The following PDPR variants were observed in gnomAD, a reference collection of about 807,000 sequenced individuals.
The protein encoded by PDPR is pyruvate dehydrogenase phosphatase regulatory subunit, mitochondrial.
A neutral mutation model predicts 102.2 loss-of-function variants in PDPR; 50 were observed. The ratio of observed to expected loss-of-function variants is 0.49; its 90% CI spans 0.39 to 0.62. The LOEUF is 0.62. Ranked by LOEUF, PDPR falls within the 20% of genes least tolerant of loss-of-function variation. The probability of loss-of-function intolerance (pLI) is 0.00; values close to 1 mark genes in which losing one functional copy is unlikely to be tolerated. For synonymous variants in PDPR, 259 were observed against 406.0 expected, an observed-to-expected ratio of 0.64 and a Z score of 4.35; for missense variants, 625 against 1,098.2, an observed-to-expected ratio of 0.57 and a Z score of 6.09.
intron 16 of PDPR, chr16:70,147,448 T>C (rs1210636021): frequency 2.2e-5 from 8 of 371,596 alleles, no homozygotes; most frequent in South Asian, 1.4e-4. Flanking sequence ...CTCTTTTCTG[T>C]ACACAGAGTA....
At chr16:70,120,951 T>C in intron 3 of PDPR, among the ~76,000 whole-genome samples, 1 of 148,088 alleles carries the variant, frequency 6.8e-6, no homozygotes, top group Non-Finnish European at 1.5e-5. Context: ...TTTTTTTTTT[T>C]TTTTTTGGTG....
intron 9 of PDPR, among the ~76,000 whole-genome samples, chr16:70,135,866 G>A (rs1323380145): frequency 5.9e-5 from 9 of 152,208 alleles, no homozygotes; most frequent in African/African-American, 1.2e-4. Flanking sequence ...TCAAGAGTTC[G>A]AAACTAGTGT....
At chr16:70,155,560 T>C (rs549691285) in intron 18 of PDPR, among the ~76,000 whole-genome samples, 27 of 152,370 alleles carry the variant, frequency 1.8e-4, no homozygotes, top group Non-Finnish European at 3.7e-4. Context: ...TTTGTATTTT[T>C]TCTTTTTTTA....
Position 70,156,610 on chromosome 16 carries a change from C to G in PDPR, c.2371C>G (p.Arg791Gly). The G allele has an allele frequency of 6.2e-7, 1 of 1,614,074 alleles. No homozygotes were observed. Among genetic ancestry groups the G allele is most frequent in the South Asian group, 1.1e-5 (1 of 91,084 alleles). ...LWPWWGEPIY[R>G]NGQYVGKTTS... ...GCCTTGGTGGGGAGAGCCCATTTAC[C>G]GGAATGGGCAGTATGTTGGCAAGAC... The change falls in exon 19 of 19, where the codon CGG becomes GGG. Residue 791 changes from arginine (R) to glycine (G), a missense_variant. By Grantham distance (125) the Arg-to-Gly change is moderately radical. This residue lies in a region of PDPR where 303 missense variants were observed against 258.9 expected (regional missense o/e 1.17). Coordinates refer to ENST00000288050, the MANE Select transcript of PDPR (RefSeq NM_017990.5).
At chr16:70,135,992 C>G (rs1965093259) in intron 9 of PDPR, among the ~76,000 whole-genome samples, 1 of 151,632 alleles carries the variant, frequency 6.6e-6, no homozygotes, top group African/African-American at 2.4e-5. Flanking sequence ...TAGCTTGAAC[C>G]TGGGAGGCAG....
At chr16:70,122,223 G>C (rs1963389161) in intron 3 of PDPR, among the ~76,000 whole-genome samples, 2 of 152,254 alleles carry the variant, frequency 1.3e-5, no homozygotes, top group Admixed American at 1.3e-4. Context: ...CTGACCTCCA[G>C]TGATCTACCC....
rs984745240 is a variant in PDPR, at chr16:70,158,381, C to T, written c.*1502C>T. ...CTTGGAAGCATTAGCTCTGATAGGT[C>T]TATAAGTGTATTAAGGGACATCCTT... On this transcript the variant is annotated 3_prime_UTR_variant, in exon 19 of 19. Transcript: ENST00000288050. 1 of 152,614 alleles carries T rather than the reference C, an allele frequency of 6.6e-6. No individual in the cohort carries two copies. The highest frequency in any genetic ancestry group is 2.4e-5 in the African/African-American group (1 of 41,488). 9.5% of individuals were successfully genotyped at this position (152,614 alleles called of 1,614,324 possible).
At chr16:70,151,698 C>A (rs1397302645) in intron 17 of PDPR, among the ~76,000 whole-genome samples, 1 of 152,394 alleles carries the variant, frequency 6.6e-6, no homozygotes, top group Middle Eastern at 3.4e-3. Flanking sequence ...TTTCTGATTT[C>A]CCTGGGCTGT....
intron 18 of PDPR, among the ~76,000 whole-genome samples, chr16:70,155,254 T>C (rs1289903272): frequency 6.6e-6 from 1 of 152,168 alleles, no homozygotes; most frequent in East Asian, 1.9e-4. Flanking sequence ...AAATCACCCA[T>C]ATTTTGTCTA....
chr16:70,119,156 T>G (rs1181823157), intron 2 of PDPR, among the ~76,000 whole-genome samples: 2 of 152,060 alleles, frequency 1.3e-5, no homozygotes, highest in African/African-American at 2.4e-5. Flanking sequence ...GCTGATAGAT[T>G]AAGTTTGTTA....
At chr16:70,142,748 T>G in intron 13 of PDPR, 62 bp downstream of exon 13, 1 of 1,606,918 alleles carries the variant, frequency 6.2e-7, no homozygotes, top group Non-Finnish European at 8.5e-7. Context: ...TTGAATGCCT[T>G]TTGTTTTTCA....
chr16:70,141,253 C>T (rs1328720213), intron 11 of PDPR, among the ~76,000 whole-genome samples: 1 of 152,240 alleles, frequency 6.6e-6, no homozygotes, highest in Non-Finnish European at 1.5e-5. Context: ...AGGGTTTCAC[C>T]ACATTGGTCA....
chr16:70,140,594 G>A (rs1427628188), intron 11 of PDPR, among the ~76,000 whole-genome samples: 2 of 151,974 alleles, frequency 1.3e-5, no homozygotes, highest in Non-Finnish European at 2.9e-5. Flanking sequence ...TGAGGCAGGC[G>A]GATCACTTGA....
chr16:70,158,527 GA>G lies in PDPR; in HGVS notation c.*1649del, dbSNP rs1967465024. 1 of 153,042 alleles carries G rather than the reference GA, an allele frequency of 6.5e-6. No homozygotes were observed. Among genetic ancestry groups the G allele is most frequent in the South Asian group, 2.1e-4 (1 of 4,832 alleles). 9.5% of individuals were successfully genotyped at this position (153,042 alleles called of 1,614,324 possible). A position where few individuals can be genotyped will look rare whatever the true frequency, so the allele number is the denominator to read the frequency against. On this transcript the variant is annotated 3_prime_UTR_variant, in exon 19 of 19. Transcript: ENST00000288050. ...ACATTTCTTGCCACTTCCCCAACTAGACCACTCCTAGTGATTACTGACTTTA... is the reference window on the plus strand; with the variant it reads ...ACATTTCTTGCCACTTCCCCAACTAGCCACTCCTAGTGATTACTGACTTTA...
rs1485683643 is a variant in PDPR at position 70,160,874 on chromosome 16, CTG to C, written c.*3999_*4000del. ...GGACCCATAGCCTTCATTTCTGGCT[CTG>C]TGTCTCCTCTGGCATATGGACACAT... is the stretch of plus-strand genomic sequence containing the variant. On this transcript the variant is annotated 3_prime_UTR_variant, in exon 19 of 19. Coordinates refer to ENST00000288050, the MANE Select transcript of PDPR (RefSeq NM_017990.5). 2 of 152,470 alleles carry C rather than the reference CTG, an allele frequency of 1.3e-5. No homozygotes were observed. The highest frequency in any genetic ancestry group is 2.9e-5 in the Non-Finnish European group (2 of 68,156). 9.4% of individuals were successfully genotyped at this position (152,470 alleles called of 1,614,324 possible). A position where few individuals can be genotyped will look rare whatever the true frequency, so the allele number is the denominator to read the frequency against.
intron 2 of PDPR, among the ~76,000 whole-genome samples, chr16:70,119,585 A>G (rs1443482440): frequency 6.8e-6 from 1 of 147,992 alleles, no homozygotes; most frequent in African/African-American, 2.6e-5. Context: ...GTCTTACCTC[A>G]GGGCTTTTGC....
intron 7 of PDPR, 62 bp downstream of exon 7, chr16:70,130,606 A>G: frequency 6.3e-7 from 1 of 1,598,406 alleles, no homozygotes; most frequent in Non-Finnish European, 8.6e-7. Flanking sequence ...TTTTTGGTGT[A>G]GAGAAGTAAG....
In PDPR at chr16:70,156,261, CTGT is replaced by C. The variant is rs376275994; in HGVS notation, c.2236-209_2236-207del. Reference sequence around the variant, plus strand: ...AAAATAGGAAACAAAATGCGTACCTCTGTTGTTACAAAAATTACCGCGGCGTCT... The same window carrying C: ...AAAATAGGAAACAAAATGCGTACCTCTGTTACAAAAATTACCGCGGCGTCT... On this transcript the variant is annotated intron_variant, in intron 18 of 18. Transcript: ENST00000288050. The C allele has an allele frequency of 7.0e-3, 4,252 of 604,200 alleles. 4 individuals carry two copies. Among genetic ancestry groups the C allele is most frequent in the Non-Finnish European group, 9.7e-3 (3,418 of 351,808 alleles). The allele number at this position is 604,200 out of a possible 1,614,324, so 37.4% of individuals were successfully genotyped here.
rs1967512132 is a variant in PDPR, at chr16:70,158,978, AT to A, written c.*2102del. On this transcript the variant is annotated 3_prime_UTR_variant, in exon 19 of 19. Coordinates refer to ENST00000288050, the MANE Select transcript of PDPR (RefSeq NM_017990.5). ...TCTTCAACCTTAACTATGGCAATACATTTGTGCTTTAACTGTTACATAGCAG... is the reference window on the plus strand; with the variant it reads ...TCTTCAACCTTAACTATGGCAATACATTGTGCTTTAACTGTTACATAGCAG... 6.6e-6 allele frequency: 1 copy of A among 152,348 alleles called. No homozygotes were observed. Among genetic ancestry groups the A allele is most frequent in the East Asian group, 1.9e-4 (1 of 5,202 alleles). The allele number at this position is 152,348 out of a possible 1,614,324, so 9.4% of individuals were successfully genotyped here.
Sources: allele counts gnomAD v4.1 joint callset (sites outside exome capture counted in the v4.1 genomes callset), GRCh38; gene constraint gnomAD v4.1.1; regional missense constraint gnomAD v4.1.1; transcripts MANE v1.5; gene names NCBI Gene and HGNC (gene_info 2026-07-23, HGNC 2026-07-21).